LTBP1: variants seen among roughly 807,000 people sequenced by gnomAD.
LTBP1 encodes the protein latent-transforming growth factor beta-binding protein 1.
In LTBP1, 129 loss-of-function variants were observed where a neutral mutation model predicts 207.6. The ratio of observed to expected loss-of-function variants is 0.62; its 90% CI spans 0.54 to 0.72. The LOEUF (loss-of-function observed/expected upper bound fraction) is 0.72. Ranked by LOEUF, LTBP1 falls within the 30% of genes least tolerant of loss-of-function variation. LTBP1 has a pLI of 0.00. For synonymous variants in LTBP1, 963 were observed against 833.7 expected, an observed-to-expected ratio of 1.16 and a Z score of -2.67; for missense variants, 2,281 against 2,217.2, an observed-to-expected ratio of 1.03 and a Z score of -0.58.
intron 5 of LTBP1, among the ~76,000 whole-genome samples, chr2:33,142,386 A>G (rs2082701675): frequency 6.6e-6 from 1 of 152,160 alleles, no homozygotes; most frequent in Admixed American, 6.5e-5. Flanking sequence ...TATGGAGGGC[A>G]GATCACATGA....
rs115864430 is a variant in LTBP1 at position 33,293,055 on chromosome 2, T to C, written c.3113-105T>C. On this transcript the variant is annotated intron_variant, in intron 19 of 33. Transcript: ENST00000404816. ...GAAAGTTTATCTTTAAGAATCTGCC[T>C]GGTCTTCTGAAGGTCTACTGTTTCC... The C allele has an allele frequency of 1.1e-3, 1,244 of 1,156,182 alleles. 13 individuals carry two copies. The African/African-American group carries it at 0.018, about 17-fold the overall frequency. 71.6% of individuals were successfully genotyped at this position (1,156,182 alleles called of 1,614,324 possible).
intron 5 of LTBP1, among the ~76,000 whole-genome samples, chr2:33,157,202 G>A (rs1275443508): frequency 6.6e-6 from 1 of 152,212 alleles, no homozygotes; most frequent in Admixed American, 6.5e-5. Flanking sequence ...TTAGAACCTA[G>A]AGACTTGTTA....
intron 4 of LTBP1, among the ~76,000 whole-genome samples, chr2:33,121,278 T>C (rs77962885): frequency 0.063 from 9,537 of 151,760 alleles, 393 homozygotes; most frequent in Non-Finnish European, 0.081. Context: ...GGTTCTAGCT[T>C]TTTTTCTTAC....
At chr2:33,209,804 G>C (rs1369839046) in intron 7 of LTBP1, among the ~76,000 whole-genome samples, 1 of 152,188 alleles carries the variant, frequency 6.6e-6, no homozygotes, top group Non-Finnish European at 1.5e-5. Context: ...TGGGGGAAGA[G>C]ATCTAATACA....
At chr2:33,041,479 T>G (rs1162389212) in intron 3 of LTBP1, among the ~76,000 whole-genome samples, 1 of 152,140 alleles carries the variant, frequency 6.6e-6, no homozygotes, top group Non-Finnish European at 1.5e-5. Flanking sequence ...AGATAGGGTT[T>G]CACCATATTG....
At chr2:33,296,588 T>C (rs2093879379) in intron 20 of LTBP1, among the ~76,000 whole-genome samples, 1 of 152,186 alleles carries the variant, frequency 6.6e-6, no homozygotes, top group Admixed American at 6.5e-5. Flanking sequence ...GTTGAATGAA[T>C]GGCTCATTAC....
chr2:32,997,094 AG>A (rs1467840383), intron 2 of LTBP1, among the ~76,000 whole-genome samples: 1 of 152,114 alleles, frequency 6.6e-6, no homozygotes, highest in Non-Finnish European at 1.5e-5. Flanking sequence ...CATGTTGCCC[AG>A]GCTGGTCTCG....
At chr2:33,328,166 T>TAAATAAATAAATAAATAAAA (rs1385099900) in intron 24 of LTBP1, among the ~76,000 whole-genome samples, 18 of 146,190 alleles carry the variant, frequency 1.2e-4, no homozygotes, top group South Asian at 2.1e-4. Flanking sequence ...AATAAATAAA[T>TAAATAAATAAATAAATAAAA]AAAATAAAAA....
chr2:33,292,325 T>A (rs1334533272), intron 19 of LTBP1, among the ~76,000 whole-genome samples: 3 of 152,188 alleles, frequency 2.0e-5, no homozygotes, highest in Non-Finnish European at 4.4e-5. Flanking sequence ...ACTGTTTCTA[T>A]CACTAGATTT....
intron 23 of LTBP1, among the ~76,000 whole-genome samples, chr2:33,313,688 A>G (rs113354866): frequency 0.012 from 1,893 of 152,290 alleles, 29 homozygotes; most frequent in African/African-American, 0.043. Flanking sequence ...ATGACCCCCA[A>G]TTAACTAAAA....
chr2:33,149,233 A>AC (rs2083310991), intron 5 of LTBP1, among the ~76,000 whole-genome samples: 22 of 122,184 alleles, frequency 1.8e-4, no homozygotes, highest in Non-Finnish European at 3.0e-4. Flanking sequence ...AAAAACAAAA[A>AC]AAAAAAAAAA....
intron 2 of LTBP1, among the ~76,000 whole-genome samples, chr2:33,017,243 C>G (rs1031766154): frequency 6.6e-6 from 1 of 152,128 alleles, no homozygotes; most frequent in South Asian, 2.1e-4. Flanking sequence ...TTTATCATAG[C>G]CAAGAATTCA....
chr2:33,238,359 A>G (rs2092150157), intron 9 of LTBP1, among the ~76,000 whole-genome samples: 1 of 152,206 alleles, frequency 6.6e-6, no homozygotes, highest in Non-Finnish European at 1.5e-5. Context: ...TTTGTTAAAC[A>G]TACATACTTT....
chr2:33,353,347 C>A (rs1162914144), intron 26 of LTBP1, among the ~76,000 whole-genome samples: 1 of 152,146 alleles, frequency 6.6e-6, no homozygotes, highest in Admixed American at 6.5e-5. Context: ...ACCGAGTTGT[C>A]ACACATTCCC....
chr2:33,174,365 GACAA>G (rs762177841), intron 5 of LTBP1, among the ~76,000 whole-genome samples: 226 of 152,122 alleles, frequency 1.5e-3, no homozygotes, highest in Non-Finnish European at 2.8e-3. Context: ...ACCAATAACA[GACAA>G]ACAGAGAGCC....
rs559530536 is a variant in LTBP1 at position 33,273,293 on chromosome 2, A to G, written c.2618-363A>G. On this transcript the variant is annotated intron_variant, in intron 15 of 33. Coordinates refer to ENST00000404816, the MANE Select transcript of LTBP1 (RefSeq NM_206943.4). ...CTTACCTATTGGTGATTCAGACTCTATCATCTAAGATGAACTACAATGAAT... is the reference window on the plus strand; with the variant it reads ...CTTACCTATTGGTGATTCAGACTCTGTCATCTAAGATGAACTACAATGAAT... Among the ~76,000 whole-genome samples the G allele has an allele frequency of 4.6e-4, 70 of 152,310 alleles. 2 individuals carry two copies. The South Asian group carries it at 6.8e-3, about 15-fold the overall frequency.
intron 5 of LTBP1, among the ~76,000 whole-genome samples, chr2:33,148,239 G>C (rs1260689017): frequency 2.0e-5 from 3 of 152,136 alleles, no homozygotes; most frequent in African/African-American, 7.2e-5. Flanking sequence ...GCATTTTGAC[G>C]ATATTTGAGG....
chr2:33,259,933 C>A (rs1401942188), intron 13 of LTBP1, among the ~76,000 whole-genome samples: 4 of 152,266 alleles, frequency 2.6e-5, no homozygotes, highest in Non-Finnish European at 5.9e-5. Flanking sequence ...ACCTGATGGC[C>A]TGGACCATCT....
chr2:33,118,991 A>AG (rs2150361819), intron 4 of LTBP1, among the ~76,000 whole-genome samples: 1 of 152,318 alleles, frequency 6.6e-6, no homozygotes, highest in South Asian at 2.1e-4. Flanking sequence ...TCTAGGGTGA[A>AG]GGATCATGTA....
Sources: gnomAD v4.1 joint callset for allele counts (sites outside exome capture counted in the v4.1 genomes callset) on GRCh38, gnomAD v4.1.1 for gene constraint, MANE v1.5 for transcripts, NCBI Gene and HGNC (gene_info 2026-07-23, HGNC 2026-07-21) for gene names.